The following ERLIN2 variants were observed in gnomAD, a reference collection of about 807,000 sequenced individuals.
The protein encoded by ERLIN2 is erlin-2.
In ERLIN2, 22 loss-of-function variants were observed where a neutral mutation model predicts 41.5. The observed-to-expected ratio is 0.53, with a 90% CI of 0.38 to 0.76. The LOEUF is 0.76. ERLIN2 is among the 30% of genes least tolerant of loss of function. The pLI, the probability that ERLIN2 is intolerant of heterozygous loss-of-function variation, is 0.00. For synonymous variants in ERLIN2, 149 were observed against 150.9 expected (o/e 0.99, Z 0.09); for missense variants, 247 against 414.3 (o/e 0.60, Z 3.51).
intron 8 of ERLIN2, 184 bp downstream of exon 8, chr8:37,750,036 T>C: frequency 1.4e-6 from 1 of 689,758 alleles, no homozygotes; most frequent in South Asian, 1.6e-5. Context: ...TCCCTACCTG[T>C]GATTGAGAAC....
At chr8:37,745,256 G>A (rs1436963148) in intron 6 of ERLIN2, 2 of 472,968 alleles carry the variant, frequency 4.2e-6, no homozygotes, top group South Asian at 3.2e-5. Context: ...GAAGTGAGAT[G>A]AGAACCATAG....
At chr8:37,753,086 C>T (rs1373035013) in intron 10 of ERLIN2, among the ~76,000 whole-genome samples, 1 of 152,190 alleles carries the variant, frequency 6.6e-6, no homozygotes, top group African/African-American at 2.4e-5. Context: ...CAGGGTCCCA[C>T]TGCTGTGCTA....
intron 7 of ERLIN2, 63 bp from the exon 8 acceptor site, chr8:37,749,731 G>C: frequency 6.4e-7 from 1 of 1,558,694 alleles, no homozygotes; most frequent in Non-Finnish European, 8.9e-7. Flanking sequence ...GGCCCAGTGG[G>C]AGCTGGGTGT....
intron 6 of ERLIN2, chr8:37,748,015 A>G: frequency 6.2e-7 from 1 of 1,609,696 alleles, no homozygotes; most frequent in African/African-American, 1.3e-5. Flanking sequence ...GGTTTCCAGG[A>G]GCAACCTGAA....
In ERLIN2 at chr8:37,753,607, C is replaced by T. The variant is rs182949248; in HGVS notation, c.819+78C>T. ...TTGCAGGAGAGTTTCCAGTGTTGAGCGCCTGCCACCACCCAAAGCCCTTCA... is the reference window on the plus strand; with the variant it reads ...TTGCAGGAGAGTTTCCAGTGTTGAGTGCCTGCCACCACCCAAAGCCCTTCA... On this transcript the variant is annotated intron_variant, in intron 11 of 11. Transcript: ENST00000519638. 3.1e-5 allele frequency: 40 copies of T among 1,293,766 alleles called. No homozygotes were observed. The African/African-American group carries it at 4.9e-4, about 16-fold the overall frequency. 80.1% of individuals were successfully genotyped at this position (1,293,766 alleles called of 1,614,324 possible).
At chr8:37,742,931 A>C (rs1438080334) in intron 4 of ERLIN2, among the ~76,000 whole-genome samples, 7 of 152,246 alleles carry the variant, frequency 4.6e-5, no homozygotes. Context: ...AACTAAAGAG[A>C]ATGTCATAAA....
intron 4 of ERLIN2, among the ~76,000 whole-genome samples, chr8:37,742,340 TAA>T (rs770233868): frequency 0.025 from 3,185 of 127,206 alleles, 133 homozygotes; most frequent in African/African-American, 0.085. Context: ...ACTCCGTCTT[TAA>T]AAAAAAAAAA....
chr8:37,745,660 C>G, intron 6 of ERLIN2: 2 of 1,613,446 alleles, frequency 1.2e-6, no homozygotes, highest in Non-Finnish European at 1.7e-6. Flanking sequence ...ATCCACATCG[C>G]CAGCAATCAT....
In ERLIN2 at chr8:37,741,643, T is replaced by C; in HGVS notation, c.190-129T>C. On this transcript the variant is annotated intron_variant, in intron 3 of 11. Transcript: ENST00000519638. This position sits in a 1 kb window ranked among gnomAD's most constrained non-coding sequence, Gnocchi z 4.8. ...TGTGAGGAAGGAGGATTAGGTGGGG[T>C]AATCATGTTTAATGAAGGCCATGCT... 1 of 762,538 alleles carries C rather than the reference T, an allele frequency of 1.3e-6. No individual in the cohort carries two copies. Among genetic ancestry groups the C allele is most frequent in the South Asian group, 1.4e-5 (1 of 69,174 alleles). 47.2% of individuals were successfully genotyped at this position (762,538 alleles called of 1,614,324 possible).
chr8:37,745,407 A>G, intron 6 of ERLIN2: 1 of 693,600 alleles, frequency 1.4e-6, no homozygotes, highest in Non-Finnish European at 2.5e-6. Context: ...TTCAAAGTAA[A>G]GGCAACCTGA....
chr8:37,749,559 A>G lies in ERLIN2; in HGVS notation c.425A>G (p.Asp142Gly), dbSNP rs1377541140. 6.2e-7 allele frequency: 1 copy of G among 1,610,460 alleles called. No individual in the cohort carries two copies. The highest frequency in any genetic ancestry group is 8.5e-7 in the Non-Finnish European group (1 of 1,176,668). ...TLQEVYIELF[D>G]QIDENLKLAL... ...TTTCTCCATCTTTTCTTTATTCCAG[A>G]TCAGATTGATGAAAATCTCAAACTG... Residue 142 changes from aspartate to glycine, a missense_variant and splice_region_variant, in exon 7 of 12, where the codon GAT (aspartate) becomes GGT (glycine). Coordinates refer to ENST00000519638, the MANE Select transcript of ERLIN2 (RefSeq NM_007175.8).
chr8:37,758,200 C>T lies in ERLIN2; in HGVS notation c.*4085C>T, dbSNP rs1302385958. 6.6e-6 allele frequency: 1 copy of T among 152,092 alleles called. No individual in the cohort carries two copies. Among genetic ancestry groups the T allele is most frequent in the Non-Finnish European group, 1.5e-5 (1 of 68,024 alleles). 9.4% of individuals were successfully genotyped at this position (152,092 alleles called of 1,614,324 possible). A position where few individuals can be genotyped will look rare whatever the true frequency, so the allele number is the denominator to read the frequency against. ...CCAGGCTTTCTCAGGTTTTTTTTAA[C>T]AGGGATCCCAAGCTTTTTCTATTGG... is the stretch of plus-strand genomic sequence containing the variant. On this transcript the variant is annotated 3_prime_UTR_variant, in exon 12 of 12. Coordinates refer to ENST00000519638, the MANE Select transcript of ERLIN2 (RefSeq NM_007175.8).
rs1378669590 is a variant in ERLIN2, at chr8:37,756,997, A to C, written c.*2882A>C. 6.6e-6 allele frequency: 1 copy of C among 152,224 alleles called. No individual in the cohort carries two copies. The highest frequency in any genetic ancestry group is 1.5e-5 in the Non-Finnish European group (1 of 68,022). 9.4% of individuals were successfully genotyped at this position (152,224 alleles called of 1,614,324 possible). On this transcript the variant is annotated 3_prime_UTR_variant, in exon 12 of 12. Transcript: ENST00000519638. ...GCAAGGAAACCAAAGTTTATTAATA[A>C]TTTTTATATAACTAAAATAAAATAG...
chr8:37,737,093 G>A, intron 1 of ERLIN2: 11 of 551,332 alleles, frequency 2.0e-5, no homozygotes, highest in Non-Finnish European at 2.5e-5. Flanking sequence ...ACGGGCCCAC[G>A]CACGCACAGC....
chr8:37,737,626 C>G (rs532903306), intron 1 of ERLIN2: 11 of 442,938 alleles, frequency 2.5e-5, no homozygotes, highest in African/African-American at 2.2e-4. Context: ...AGGCTGTGTT[C>G]TGAACCCTAC....
In ERLIN2 at chr8:37,753,411, TA is replaced by T. The variant is rs146402139; in HGVS notation, c.740-38del. 68,428 of 1,558,674 alleles carry T rather than the reference TA, an allele frequency of 0.044. 1,807 individuals carry two copies. The highest frequency in any genetic ancestry group is 0.051 in the Non-Finnish European group (57,287 of 1,130,122). On this transcript the variant is annotated intron_variant, in intron 10 of 11. Transcript: ENST00000519638. ...GCACTTCCTGCAAAGAACTCAGTTT[TA>T]GCACTTCACCAAGTTCACTGCACTC...
At chr8:37,752,520 T>G (rs1449605664) in intron 10 of ERLIN2, among the ~76,000 whole-genome samples, 2 of 152,208 alleles carry the variant, frequency 1.3e-5, no homozygotes, top group African/African-American at 4.8e-5. Flanking sequence ...CACAAATACA[T>G]GTCATCAAGT....
Position 37,754,305 on chromosome 8 carries a change from A to C in ERLIN2, c.*190A>C. 6.4e-6 allele frequency: 4 copies of C among 621,638 alleles called. No individual in the cohort carries two copies. The highest frequency in any genetic ancestry group is 8.6e-6 in the Non-Finnish European group (3 of 349,142). 38.5% of individuals were successfully genotyped at this position (621,638 alleles called of 1,614,324 possible). A position where few individuals can be genotyped will look rare whatever the true frequency, so the allele number is the denominator to read the frequency against. On this transcript the variant is annotated 3_prime_UTR_variant, in exon 12 of 12. Transcript: ENST00000519638. Reference sequence around the variant, plus strand: ...GTGGGGACTGATGATGGGGGGTTTTATTTCAGGTAAGCAGTTTATATGACT... The same window carrying C: ...GTGGGGACTGATGATGGGGGGTTTTCTTTCAGGTAAGCAGTTTATATGACT...
chr8:37,748,423 C>A (rs1025304854), intron 6 of ERLIN2, among the ~76,000 whole-genome samples: 5 of 152,172 alleles, frequency 3.3e-5, no homozygotes, highest in Non-Finnish European at 7.3e-5. Context: ...TCCTTCGGTG[C>A]TCAGAGGCTT....
Sources: gnomAD v4.1 joint callset for allele counts (sites outside exome capture counted in the v4.1 genomes callset) on GRCh38, gnomAD v4.1.1 for gene constraint, Gnocchi (gnomAD v3.1) non-coding constraint, MANE v1.5 for transcripts, NCBI Gene and HGNC (gene_info 2026-07-23, HGNC 2026-07-21) for gene names.